Variants in SH3YL1 observed in about 807,000 individuals in gnomAD.
SH3YL1 encodes the protein SH3 and SYLF domain containing 1, also known as SH3 domain-containing YSC84-like protein 1.
In SH3YL1, 41 loss-of-function variants were observed where a neutral mutation model predicts 45.8. That is an observed-to-expected ratio of 0.89 (90% confidence interval 0.70 to 1.16). SH3YL1 has a LOEUF of 1.16. Ranked by LOEUF, SH3YL1 falls within the 50% of genes most tolerant of loss-of-function variation. SH3YL1 has a pLI of 0.00. For synonymous variants in SH3YL1, 152 were observed against 151.4 expected (o/e 1.00, Z -0.03); for missense variants, 389 against 409.6 (o/e 0.95, Z 0.43).
intron 1 of SH3YL1, among the ~76,000 whole-genome samples, chr2:254,186 G>A (rs1010783873): frequency 2.0e-5 from 3 of 152,116 alleles, no homozygotes; most frequent in African/African-American, 7.2e-5. Context: ...ACTTTCTGAT[G>A]AGTAAAACTC....
chr2:238,259 TTGTGTGTGTGTGTGTGTGTGTG>T (rs3842546), intron 4 of SH3YL1, among the ~76,000 whole-genome samples: 4 of 141,860 alleles, frequency 2.8e-5, no homozygotes, highest in African/African-American at 1.1e-4. Context: ...TCCTCCCTCC[TTGTGTGTGTGTGTGTGTGTGTG>T]TGTGTGTGTG....
chr2:264,006 C>A lies in SH3YL1; in HGVS notation c.-22G>T. On this transcript the variant is annotated 5_prime_UTR_variant, in exon 1 of 10. Coordinates refer to ENST00000356150, the MANE Select transcript of SH3YL1 (RefSeq NM_015677.4). Reference sequence around the variant, plus strand: ...CACTGCTGCCCGCCCGGCCGCGGCGCCCCGTCCCGAGGCTGCCCAGGAAGA... The same window carrying A: ...CACTGCTGCCCGCCCGGCCGCGGCGACCCGTCCCGAGGCTGCCCAGGAAGA... 1 of 1,447,948 alleles carries A rather than the reference C, an allele frequency of 6.9e-7. No homozygotes were observed. The highest frequency in any genetic ancestry group is 9.1e-7 in the Non-Finnish European group (1 of 1,094,374). 89.7% of individuals were successfully genotyped at this position (1,447,948 alleles called of 1,614,324 possible).
intron 9 of SH3YL1, among the ~76,000 whole-genome samples, chr2:223,894 G>C (rs1667684890): frequency 6.6e-6 from 1 of 152,172 alleles, no homozygotes; most frequent in African/African-American, 2.4e-5. Flanking sequence ...GCTCCCAGAA[G>C]GGGAGGCCAG....
rs139233215 is a variant in SH3YL1 at position 264,014 on chromosome 2, C to A, written c.-30G>T. 9.5e-5 allele frequency: 137 copies of A among 1,434,906 alleles called. No homozygotes were observed. In the African/African-American group the frequency reaches 1.9e-3, roughly 20 times the overall value. 88.9% of individuals were successfully genotyped at this position (1,434,906 alleles called of 1,614,324 possible). Reference sequence around the variant, plus strand: ...CCCGCCCGGCCGCGGCGCCCCGTCCCGAGGCTGCCCAGGAAGAGGAAGGCG... The same window carrying A: ...CCCGCCCGGCCGCGGCGCCCCGTCCAGAGGCTGCCCAGGAAGAGGAAGGCG... On this transcript the variant is annotated 5_prime_UTR_variant, in exon 1 of 10. Coordinates refer to ENST00000356150, the MANE Select transcript of SH3YL1 (RefSeq NM_015677.4).
rs533598679 is a variant in SH3YL1, at chr2:245,311, T to C, written c.291+2227A>G. ...TTCTTATCTCTGTTTGAAATTGACA[T>C]TTAAAAGTTAATAGTTATGTTATTT... On this transcript the variant is annotated intron_variant, in intron 4 of 9. Coordinates refer to ENST00000356150, the MANE Select transcript of SH3YL1 (RefSeq NM_015677.4). Among the ~76,000 whole-genome samples the C allele has an allele frequency of 2.0e-5, 3 of 152,332 alleles. No individual in the cohort carries two copies. The East Asian group carries it at 5.8e-4, about 29-fold the overall frequency.
chr2:246,843 G>A (rs1186153112), intron 4 of SH3YL1, among the ~76,000 whole-genome samples: 1 of 152,148 alleles, frequency 6.6e-6, no homozygotes, highest in Non-Finnish European at 1.5e-5. Context: ...CTCCTAATAA[G>A]GCTGAGGGAA....
intron 3 of SH3YL1, among the ~76,000 whole-genome samples, chr2:248,234 T>C (rs1668921400): frequency 1.3e-5 from 2 of 152,218 alleles, no homozygotes; most frequent in Non-Finnish European, 2.9e-5. Flanking sequence ...TTTCTTGATA[T>C]AGAAACTCAT....
chr2:237,401 C>T (rs966338807), intron 4 of SH3YL1, among the ~76,000 whole-genome samples: 4 of 151,948 alleles, frequency 2.6e-5, no homozygotes, highest in Admixed American at 6.6e-5. Flanking sequence ...GACAGCTTGG[C>T]GAGCATGTGA....
At chr2:252,819 A>G (rs190006870) in intron 2 of SH3YL1, among the ~76,000 whole-genome samples, 186 bp downstream of exon 2, 1 of 152,328 alleles carries the variant, frequency 6.6e-6, no homozygotes, top group Admixed American at 6.5e-5. Context: ...AGTTGTAATG[A>G]ACAGGTAGTA....
chr2:222,332 CT>C (rs1327423677), intron 9 of SH3YL1: 1 of 152,260 alleles, frequency 6.6e-6, no homozygotes, highest in Non-Finnish European at 1.5e-5. Context: ...AGTCCACTTT[CT>C]CATGGAGCCT....
Position 224,939 on chromosome 2 carries a change from G to A in SH3YL1, c.782-19C>T. 6.2e-7 allele frequency: 1 copy of A among 1,603,810 alleles called. No homozygotes were observed. Reference sequence around the variant, plus strand: ...CTGTTACCTGCCAAAAAAGAGGAGAGTGGTGATTTTGAAAACTGATTAGTA... The same window carrying A: ...CTGTTACCTGCCAAAAAAGAGGAGAATGGTGATTTTGAAAACTGATTAGTA... On this transcript the variant is annotated intron_variant, in intron 8 of 9. Transcript: ENST00000356150.
chr2:246,596 A>T (rs1373008439), intron 4 of SH3YL1, among the ~76,000 whole-genome samples: 1 of 123,328 alleles, frequency 8.1e-6, no homozygotes, highest in East Asian at 2.8e-4. Context: ...AGGTGGGGAA[A>T]GGGGAAGAGA....
In SH3YL1 at chr2:257,651, T is replaced by C. The variant is rs534530479; in HGVS notation, c.2-4536A>G. 2.6e-5 allele frequency among the ~76,000 whole-genome samples: 4 copies of C among 152,356 alleles called. No homozygotes were observed. The South Asian group carries it at 8.3e-4, about 32-fold the overall frequency. ...TTTCTGTACGTCACTTCCCCTTTTT[T>C]GGTCTATAAATTTGTTCTGACCACG... On this transcript the variant is annotated intron_variant, in intron 1 of 9. Transcript: ENST00000356150.
chr2:262,729 T>G, intron 1 of SH3YL1: 1 of 1,272,704 alleles, frequency 7.9e-7, no homozygotes, highest in Non-Finnish European at 1.0e-6. Flanking sequence ...TATGTTTGTG[T>G]TGACATGCCA....
At chr2:226,953 T>C (rs949308441) in intron 8 of SH3YL1, among the ~76,000 whole-genome samples, 1 of 152,018 alleles carries the variant, frequency 6.6e-6, no homozygotes, top group Admixed American at 6.5e-5. Context: ...TGGTGAAAAA[T>C]GCACATGGTG....
chr2:232,910 C>A, intron 6 of SH3YL1, 191 bp downstream of exon 6: 1 of 388,900 alleles, frequency 2.6e-6, no homozygotes. Context: ...TTTTTTATTT[C>A]TTTTTCATGT....
intron 1 of SH3YL1, 191 bp downstream of exon 1, chr2:263,793 C>T (rs967608960): frequency 2.0e-5 from 10 of 490,088 alleles, no homozygotes; most frequent in Non-Finnish European, 7.4e-6. Flanking sequence ...GGCTAAACTT[C>T]AATCAAAATC....
chr2:231,101 A>G lies in SH3YL1; in HGVS notation c.624T>C (p.Asp208=). Residue 208 remains aspartate (D), a synonymous_variant, in exon 7 of 10, where the codon GAT becomes GAC. Coordinates refer to ENST00000356150, the MANE Select transcript of SH3YL1 (RefSeq NM_015677.4). ...CATTTTCATACTTTTCAGTAAAGGA[A>G]TCAAGAATTTCATAAAGATCTTCGG... ...AQAEDLYEIL[D]SFTEKYENEG... 6.2e-7 allele frequency: 1 copy of G among 1,614,168 alleles called. No individual in the cohort carries two copies. Among genetic ancestry groups the G allele is most frequent in the Non-Finnish European group, 8.5e-7 (1 of 1,180,018 alleles).
Position 233,099 on chromosome 2 carries a change from A to T in SH3YL1, c.533+2T>A. Reference sequence around the variant, plus strand: ...ATTAAAATCACTTTAACTTGAACTGACTTTCTATTAGTTTCTTTCCTTTCA... The same window carrying T: ...ATTAAAATCACTTTAACTTGAACTGTCTTTCTATTAGTTTCTTTCCTTTCA... On this transcript the variant is annotated splice_donor_variant, in intron 6 of 9. Coordinates refer to ENST00000356150, the MANE Select transcript of SH3YL1 (RefSeq NM_015677.4). LOFTEE classifies it high-confidence loss of function. 6.4e-7 allele frequency: 1 copy of T among 1,557,936 alleles called. No homozygotes were observed. Among genetic ancestry groups the T allele is most frequent in the Non-Finnish European group, 8.7e-7 (1 of 1,151,104 alleles).
Sources: allele counts gnomAD v4.1 joint callset (sites outside exome capture counted in the v4.1 genomes callset), GRCh38; gene constraint gnomAD v4.1.1; transcripts MANE v1.5; gene names NCBI Gene and HGNC (gene_info 2026-07-23, HGNC 2026-07-21).